FAM163B: variants seen among roughly 807,000 people sequenced by gnomAD.
FAM163B encodes protein FAM163B.
FAM163B carries 4 observed loss-of-function variants against 7.6 expected under a neutral mutation model. The observed-to-expected ratio is 0.52, with a 90% CI of 0.26 to 1.20. The LOEUF (loss-of-function observed/expected upper bound fraction) is 1.20, where lower values mean the gene tolerates loss of function less well. FAM163B is among the 50% of genes most tolerant of loss of function. The pLI, the probability that FAM163B is intolerant of heterozygous loss-of-function variation, is 0.14. For missense variants in FAM163B, 250 were observed against 243.0 expected, an observed-to-expected ratio of 1.03 and a Z score of -0.19; for synonymous variants, 120 against 111.6, an observed-to-expected ratio of 1.07 and a Z score of -0.47.
rs11537042 is a variant in FAM163B at position 133,577,470 on chromosome 9, A to T, written c.*1552T>A. ...AACAATTGAGAACATAACGATTGTGACTTCGTCAGCCGTTCCCCCGACGCC... is the reference window on the plus strand; with the variant it reads ...AACAATTGAGAACATAACGATTGTGTCTTCGTCAGCCGTTCCCCCGACGCC... On this transcript the variant is annotated 3_prime_UTR_variant, in exon 3 of 3. Transcript: ENST00000673969. Among the ~76,000 whole-genome samples the T allele has an allele frequency of 0.74, 112,410 of 152,204 alleles. 41,722 individuals are homozygous for T. Among genetic ancestry groups the T allele is most frequent in the Middle Eastern group, 0.87 (255 of 294 alleles).
chr9:133,608,458 C>T (rs1351759634), intron 1 of FAM163B, among the ~76,000 whole-genome samples: 1 of 151,690 alleles, frequency 6.6e-6, no homozygotes, highest in Non-Finnish European at 1.5e-5. Context: ...CAACCCCCCA[C>T]CTGTCAATGA....
chr9:133,599,675 ATATG>A (rs1831684949), intron 1 of FAM163B, among the ~76,000 whole-genome samples: 1 of 149,576 alleles, frequency 6.7e-6, no homozygotes, highest in African/African-American at 2.5e-5. Flanking sequence ...ATATGTGTGC[ATATG>A]TGTCAGTGTG....
chr9:133,603,152 G>A (rs1484324180), intron 1 of FAM163B, among the ~76,000 whole-genome samples: 1 of 152,206 alleles, frequency 6.6e-6, no homozygotes, highest in Admixed American at 6.5e-5. Flanking sequence ...AATTGCCAAC[G>A]CCAACTGGAG....
At chr9:133,592,432 T>C (rs1831567905) in intron 1 of FAM163B, among the ~76,000 whole-genome samples, 1 of 152,182 alleles carries the variant, frequency 6.6e-6, no homozygotes, top group Admixed American at 6.5e-5. Context: ...CAGCCACTAA[T>C]GTCCACCCCA....
intron 1 of FAM163B, among the ~76,000 whole-genome samples, chr9:133,595,789 C>T (rs1180548904): frequency 6.6e-6 from 1 of 152,172 alleles, no homozygotes; most frequent in Non-Finnish European, 1.5e-5. Flanking sequence ...TGTACCTTTA[C>T]CCCATACTTG....
At chr9:133,584,279 T>C (rs1233211569) in intron 1 of FAM163B, among the ~76,000 whole-genome samples, 1 of 152,194 alleles carries the variant, frequency 6.6e-6, no homozygotes, top group Non-Finnish European at 1.5e-5. Context: ...TCTACTCAGC[T>C]GTGGCCCAGG....
intron 1 of FAM163B, among the ~76,000 whole-genome samples, chr9:133,602,439 C>T (rs1232336144): frequency 6.6e-6 from 1 of 152,074 alleles, no homozygotes; most frequent in East Asian, 1.9e-4. Flanking sequence ...GCTCCTCCCT[C>T]CCCCTGCTTC....
chr9:133,582,546 C>A (rs1195189849), intron 1 of FAM163B, among the ~76,000 whole-genome samples: 1 of 152,230 alleles, frequency 6.6e-6, no homozygotes, highest in Non-Finnish European at 1.5e-5. Flanking sequence ...CACGTGAATG[C>A]CTTGAATGCC....
chr9:133,588,629 T>TTAAGGGATCTAGCATGTCGCATGC (rs1831482362), intron 1 of FAM163B, among the ~76,000 whole-genome samples: 2 of 47,872 alleles, frequency 4.2e-5, no homozygotes, highest in Admixed American at 2.1e-4. Flanking sequence ...ATCTAGCATG[T>TTAAGGGATCTAGCATGTCGCATGC]TGAGGGATCT....
At chr9:133,580,341 A>G in intron 1 of FAM163B, 95 bp from the exon 2 acceptor site, 4 of 959,914 alleles carry the variant, frequency 4.2e-6, no homozygotes, top group East Asian at 2.6e-5. Flanking sequence ...AGCTGAGGGG[A>G]AAAAAGCACC....
At position 133,594,269 on chromosome 9, in the gene FAM163B, G is replaced by A. The variant is rs1209505442; in HGVS notation, c.-23-14023C>T. Reference sequence around the variant, plus strand: ...CTCCTGATCTAGGTCCCGAACATCTGATGTCCTGGGTCCTCCAAGGTTGCT... The same window carrying A: ...CTCCTGATCTAGGTCCCGAACATCTAATGTCCTGGGTCCTCCAAGGTTGCT... On this transcript the variant is annotated intron_variant, in intron 1 of 2. Coordinates refer to ENST00000673969, the MANE Select transcript of FAM163B (RefSeq NM_001080515.3). Among the ~76,000 whole-genome samples the A allele has an allele frequency of 4.6e-5, 7 of 152,318 alleles. No homozygotes were observed. In the East Asian group the frequency reaches 9.7e-4, roughly 21 times the overall value.
chr9:133,602,583 G>A (rs969177661), intron 1 of FAM163B, among the ~76,000 whole-genome samples: 5 of 152,164 alleles, frequency 3.3e-5, no homozygotes, highest in Admixed American at 2.6e-4. Flanking sequence ...GATTGTTCAA[G>A]ACTCTGTGTT....
chr9:133,607,339 A>C (rs1371534942), intron 1 of FAM163B, among the ~76,000 whole-genome samples: 1 of 152,124 alleles, frequency 6.6e-6, no homozygotes, highest in Non-Finnish European at 1.5e-5. Context: ...GCCCTTGCTC[A>C]TGTTTGCTGA....
chr9:133,597,802 AT>A (rs1226284473), intron 1 of FAM163B, among the ~76,000 whole-genome samples: 1 of 152,144 alleles, frequency 6.6e-6, no homozygotes, highest in Non-Finnish European at 1.5e-5. Flanking sequence ...GCTGGAGACA[AT>A]GAGAGCCAGG....
At chr9:133,584,791 CGGA>C (rs1831408375) in intron 1 of FAM163B, among the ~76,000 whole-genome samples, 1 of 152,204 alleles carries the variant, frequency 6.6e-6, no homozygotes, top group African/African-American at 2.4e-5. Context: ...GGCCAAGCCT[CGGA>C]GGCAGAGCCA....
At chr9:133,580,290 CACA>C in intron 1 of FAM163B, 44 bp from the exon 2 acceptor site, 1 of 1,393,058 alleles carries the variant, frequency 7.2e-7, no homozygotes, top group Non-Finnish European at 1.0e-6. Flanking sequence ...GCTTCCTCAC[CACA>C]AAAGTCACTC....
chr9:133,603,305 A>C (rs1435364297), intron 1 of FAM163B, among the ~76,000 whole-genome samples: 2 of 152,206 alleles, frequency 1.3e-5, no homozygotes, highest in African/African-American at 4.8e-5. Flanking sequence ...ATCCCACCGC[A>C]GCCGGCCTTT....
At chr9:133,582,629 C>G (rs1831373110) in intron 1 of FAM163B, among the ~76,000 whole-genome samples, 2 of 152,238 alleles carry the variant, frequency 1.3e-5, no homozygotes, top group South Asian at 4.1e-4. Flanking sequence ...TGGCCCTCTT[C>G]TTTGTGCCCT....
chr9:133,579,171 C>T lies in FAM163B; in HGVS notation c.352G>A (p.Gly118Arg), dbSNP rs751350352. Residue 118 changes from glycine (G) to arginine (R), a missense_variant, in exon 3 of 3, where the codon GGG becomes AGG. Physicochemically the swap from Gly to Arg is moderately radical, Grantham distance 125 (BLOSUM62 -2). Coordinates refer to ENST00000673969, the MANE Select transcript of FAM163B (RefSeq NM_001080515.3). The part of the protein sequence containing the change: ...PEEEEDVLNG[G>R]ERVLYKSVSQ... Reference sequence around the variant, plus strand: ...ACGCTCTTGTAGAGCACGCGCTCCCCGCCGTTCAGCACGTCCTCTTCCTCC... The same window carrying T: ...ACGCTCTTGTAGAGCACGCGCTCCCTGCCGTTCAGCACGTCCTCTTCCTCC... The T allele has an allele frequency of 4.3e-6, 7 of 1,611,390 alleles. No homozygotes were observed. The highest frequency in any genetic ancestry group is 4.5e-5 in the East Asian group (2 of 44,870).
Sources: allele counts gnomAD v4.1 joint callset (sites outside exome capture counted in the v4.1 genomes callset), GRCh38; gene constraint gnomAD v4.1.1; transcripts MANE v1.5; gene names NCBI Gene and HGNC (gene_info 2026-07-23, HGNC 2026-07-21).